PLCG2: variants seen among roughly 807,000 people sequenced by gnomAD.
PLCG2 encodes the protein 1-phosphatidylinositol 4,5-bisphosphate phosphodiesterase gamma-2.
PLCG2 carries 69 observed loss-of-function variants against 175.6 expected under a neutral mutation model. The observed-to-expected ratio is 0.39, with a 90% confidence interval of 0.32 to 0.48. PLCG2 has a LOEUF of 0.48. Among genes scored for constraint, PLCG2 ranks in the 20% least tolerant of loss-of-function variants. PLCG2 has a pLI of 0.91. For synonymous variants in PLCG2, 827 were observed against 624.0 expected (o/e 1.33, Z -4.85); for missense variants, 1,798 against 1,650.9 (o/e 1.09, Z -1.54).
At chr16:81,883,963 G>T (rs1370952875) in intron 9 of PLCG2, among the ~76,000 whole-genome samples, 1 of 152,200 alleles carries the variant, frequency 6.6e-6, no homozygotes, top group Non-Finnish European at 1.5e-5. Flanking sequence ...GCGTGTCACA[G>T]CGGGAGGCTG....
Position 81,854,337 on chromosome 16 carries a change from G to T in PLCG2, c.194-107G>T, listed in dbSNP as rs964407449. ...CGCAGAGATAGCTTTGCGGGATCCT[G>T]TTGGGGAAGGAAGGAGCCAGGCTGT... is the stretch of plus-strand genomic sequence containing the variant. On this transcript the variant is annotated intron_variant, in intron 2 of 32. Coordinates refer to ENST00000564138, the MANE Select transcript of PLCG2 (RefSeq NM_002661.5). 10 of 997,538 alleles carry T rather than the reference G, an allele frequency of 1.0e-5. No homozygotes were observed. In the African/African-American group the frequency reaches 1.4e-4, roughly 14 times the overall value. 61.8% of individuals were successfully genotyped at this position (997,538 alleles called of 1,614,324 possible).
chr16:81,785,657 GGA>G (rs1186799728), intron 1 of PLCG2: 2 of 231,152 alleles, frequency 8.7e-6, no homozygotes, highest in African/African-American at 2.3e-5. Flanking sequence ...GAGTGGGTGG[GGA>G]GAGAGGGGAC....
rs201622146 is a variant in PLCG2 at position 81,962,198 on chromosome 16, G to A, written c.*4200G>A. ...ATCTAGGGCCACTAAGTGATGAATT[G>A]TATTTGGAAGCAAAAAGGATGGCTA... On this transcript the variant is annotated 3_prime_UTR_variant, in exon 33 of 33. Transcript: ENST00000564138. 1.0e-4 allele frequency: 2 copies of A among 19,230 alleles called. No homozygotes were observed. Among genetic ancestry groups the A allele is most frequent in the African/African-American group, 1.6e-4 (2 of 12,788 alleles). 1.2% of individuals were successfully genotyped at this position (19,230 alleles called of 1,614,324 possible). A position where few individuals can be genotyped will look rare whatever the true frequency, so the allele number is the denominator to read the frequency against.
At chr16:81,807,920 C>G (rs538556174) in intron 2 of PLCG2, among the ~76,000 whole-genome samples, 103 of 152,240 alleles carry the variant, frequency 6.8e-4, no homozygotes, top group Non-Finnish European at 7.4e-5. Flanking sequence ...AAGGACAGCA[C>G]CAAGAGATGG....
chr16:81,790,387 A>T (rs1259766498), intron 2 of PLCG2, among the ~76,000 whole-genome samples: 1 of 152,216 alleles, frequency 6.6e-6, no homozygotes, highest in Non-Finnish European at 1.5e-5. Context: ...GTAAAGTGAC[A>T]GGGAAAGCCA....
At chr16:81,897,702 T>C (rs1053250291) in intron 13 of PLCG2, among the ~76,000 whole-genome samples, 2 of 152,042 alleles carry the variant, frequency 1.3e-5, no homozygotes, top group African/African-American at 2.4e-5. Flanking sequence ...TCCACCATCA[T>C]GCCCGGCTAA....
At chr16:81,881,079 T>C in intron 8 of PLCG2, 126 bp downstream of exon 8, 1 of 897,500 alleles carries the variant, frequency 1.1e-6, no homozygotes, top group Non-Finnish European at 1.8e-6. Context: ...AGGGGGCCCC[T>C]GCTGGGGAAT....
intron 14 of PLCG2, among the ~76,000 whole-genome samples, chr16:81,904,652 GTGT>G (rs1354931917): frequency 6.6e-6 from 1 of 152,110 alleles, no homozygotes; most frequent in Non-Finnish European, 1.5e-5. Flanking sequence ...GGCACAGGTG[GTGT>G]TGTTGTTTAT....
At chr16:81,834,705 G>C (rs1905424094) in intron 2 of PLCG2, among the ~76,000 whole-genome samples, 1 of 152,166 alleles carries the variant, frequency 6.6e-6, no homozygotes, top group African/African-American at 2.4e-5. Context: ...ATCTGAGCAG[G>C]GTGGGGAGGA....
chr16:81,858,393 G>A, intron 4 of PLCG2, 37 bp downstream of exon 4: 1 of 1,410,362 alleles, frequency 7.1e-7, no homozygotes, highest in Non-Finnish European at 1.0e-6. Flanking sequence ...CGTAGTTGCT[G>A]ATTCCTTTAT....
chr16:81,760,840 G>A (rs1023609788), intron 2 of PLCG2, among the ~76,000 whole-genome samples: 1 of 152,016 alleles, frequency 6.6e-6, no homozygotes, highest in African/African-American at 2.4e-5. Context: ...TAAGGCAGGA[G>A]GCTCATCTCT....
chr16:81,880,272 G>T (rs540284582), intron 7 of PLCG2, among the ~76,000 whole-genome samples: 2 of 152,162 alleles, frequency 1.3e-5, no homozygotes, highest in Non-Finnish European at 1.5e-5. Context: ...ATAGAAAAAG[G>T]TATGTGTACC....
At chr16:81,886,594 A>G (rs998000127) in intron 9 of PLCG2, among the ~76,000 whole-genome samples, 4 of 152,242 alleles carry the variant, frequency 2.6e-5, no homozygotes, top group Admixed American at 6.5e-5. Flanking sequence ...TAAGTACGCC[A>G]TAGTACAGCT....
At chr16:81,796,547 T>C (rs892011501) in intron 2 of PLCG2, among the ~76,000 whole-genome samples, 7 of 152,234 alleles carry the variant, frequency 4.6e-5, no homozygotes, top group Non-Finnish European at 7.3e-5. Flanking sequence ...TCCTTACCAA[T>C]TTCATATGTC....
intron 2 of PLCG2, among the ~76,000 whole-genome samples, chr16:81,845,083 C>A (rs1906043686): frequency 6.6e-6 from 1 of 152,166 alleles, no homozygotes; most frequent in Non-Finnish European, 1.5e-5. Flanking sequence ...TGTGCACCAG[C>A]ACACTTGGCT....
At chr16:81,740,929 C>T (rs1259166701) in intron 1 of PLCG2, among the ~76,000 whole-genome samples, 1 of 152,100 alleles carries the variant, frequency 6.6e-6, no homozygotes, top group African/African-American at 2.4e-5. Flanking sequence ...CAGAATCCTC[C>T]CTGGAATTCC....
chr16:81,823,611 A>G (rs1904902400), intron 2 of PLCG2, among the ~76,000 whole-genome samples: 2 of 151,750 alleles, frequency 1.3e-5, no homozygotes, highest in South Asian at 4.2e-4. Flanking sequence ...CTGTAGCCTC[A>G]AACTCCTGGG....
chr16:81,956,295 C>T (rs1336648871), intron 31 of PLCG2, among the ~76,000 whole-genome samples: 4 of 152,170 alleles, frequency 2.6e-5, no homozygotes, highest in Non-Finnish European at 5.9e-5. Flanking sequence ...GTTCTCATGT[C>T]ATGCTGTTTT....
At chr16:81,857,341 A>C (rs1415471212) in intron 3 of PLCG2, among the ~76,000 whole-genome samples, 1 of 152,134 alleles carries the variant, frequency 6.6e-6, no homozygotes. Context: ...CAGCTTTTTC[A>C]TCCCTGGAGT....
Sources: gnomAD v4.1 joint callset for allele counts (sites outside exome capture counted in the v4.1 genomes callset) on GRCh38, gnomAD v4.1.1 for gene constraint, MANE v1.5 for transcripts, NCBI Gene and HGNC (gene_info 2026-07-23, HGNC 2026-07-21) for gene names.